HIVEP3: variants seen among roughly 807,000 people sequenced by gnomAD.
HIVEP3 encodes transcription factor HIVEP3.
A neutral mutation model predicts 152.8 loss-of-function variants in HIVEP3; 49 were observed. That is an observed-to-expected ratio of 0.32 (90% CI 0.26 to 0.41). The LOEUF (loss-of-function observed/expected upper bound fraction) is 0.41. Ranked by LOEUF, HIVEP3 falls within the 10% of genes least tolerant of loss-of-function variation. The probability of loss-of-function intolerance (pLI) is 1.00; values close to 1 mark genes in which losing one functional copy is unlikely to be tolerated. For missense variants in HIVEP3, 2,790 were observed against 3,103.3 expected (o/e 0.90, Z 2.40); for synonymous variants, 1,269 against 1,289.0 (o/e 0.98, Z 0.33).
intron 2 of HIVEP3, among the ~76,000 whole-genome samples, chr1:41,643,661 A>G (rs1464146271): frequency 6.6e-6 from 1 of 152,184 alleles, no homozygotes; most frequent in African/African-American, 2.4e-5. Flanking sequence ...CAGCTCCCAG[A>G]ACCCCTGATG....
At chr1:41,544,717 C>CCTCTACCACCA (rs1558045726) in intron 5 of HIVEP3, among the ~76,000 whole-genome samples, 28 of 146,600 alleles carry the variant, frequency 1.9e-4, no homozygotes, top group African/African-American at 7.2e-4. Flanking sequence ...ACCACTACCA[C>CCTCTACCACCA]CTGTACCACC....
At chr1:41,797,596 C>A (rs892935045) in intron 1 of HIVEP3, among the ~76,000 whole-genome samples, 13 of 152,286 alleles carry the variant, frequency 8.5e-5, no homozygotes, top group African/African-American at 3.1e-4. Flanking sequence ...TCCACCACGA[C>A]AGCAAAAGTC....
At chr1:41,977,768 T>C (rs1570862319) in intron 1 of HIVEP3, among the ~76,000 whole-genome samples, 1 of 152,160 alleles carries the variant, frequency 6.6e-6, no homozygotes, top group African/African-American at 2.4e-5. Flanking sequence ...AAAGGCACAA[T>C]AGTGAGACTG....
chr1:41,529,563 C>T (rs1643172935), intron 5 of HIVEP3, among the ~76,000 whole-genome samples: 1 of 143,490 alleles, frequency 7.0e-6, no homozygotes, highest in Admixed American at 6.8e-5. Context: ...CCCCACACCC[C>T]ACCCTCACAC....
intron 2 of HIVEP3, among the ~76,000 whole-genome samples, chr1:41,657,766 G>A (rs1645651257): frequency 1.3e-5 from 2 of 152,342 alleles, no homozygotes; most frequent in South Asian, 4.1e-4. Flanking sequence ...CTAGAAAGCA[G>A]GAGATATAAA....
chr1:41,526,913 CCA>C (rs1412228324), intron 5 of HIVEP3, among the ~76,000 whole-genome samples: 2 of 136,358 alleles, frequency 1.5e-5, no homozygotes, highest in South Asian at 2.5e-4. Context: ...GCTCATATCT[CCA>C]CACACACCCT....
chr1:41,561,422 G>T (rs1238968883), intron 5 of HIVEP3, among the ~76,000 whole-genome samples: 1 of 152,080 alleles, frequency 6.6e-6, no homozygotes, highest in Non-Finnish European at 1.5e-5. Flanking sequence ...GATGGAAAAG[G>T]TAAAATGTTC....
At chr1:41,531,682 A>G in intron 5 of HIVEP3, among the ~76,000 whole-genome samples, 1 of 97,334 alleles carries the variant, frequency 1.0e-5, no homozygotes, top group Non-Finnish European at 2.0e-5. Flanking sequence ...GGAGGACATG[A>G]GAGATAGAGG....
chr1:42,033,323 CT>C (rs796173254), intron 1 of HIVEP3, among the ~76,000 whole-genome samples: 3 of 151,386 alleles, frequency 2.0e-5, no homozygotes, highest in African/African-American at 4.9e-5. Context: ...TTTTAATTGT[CT>C]TTTTTTTTAA....
At chr1:41,921,966 A>T (rs1644944377), upstream of HIVEP3, among the ~76,000 whole-genome samples, 1 of 152,188 alleles carries the variant, frequency 6.6e-6, no homozygotes, top group African/African-American at 2.4e-5. Flanking sequence ...GAGATTTAAA[A>T]AATCAGATAA....
chr1:41,792,040 G>T (rs1051851131), intron 1 of HIVEP3, among the ~76,000 whole-genome samples: 1 of 152,138 alleles, frequency 6.6e-6, no homozygotes, highest in Non-Finnish European at 1.5e-5. Flanking sequence ...AGGCAGAAGT[G>T]ACCATTCCTC....
intron 1 of HIVEP3, among the ~76,000 whole-genome samples, chr1:41,889,810 A>G (rs1240977183): frequency 6.6e-6 from 1 of 152,202 alleles, no homozygotes; most frequent in African/African-American, 2.4e-5. Context: ...GGCTCTGGAT[A>G]GGGTTTGCAG....
chr1:41,979,202 G>T (rs1405502904), intron 1 of HIVEP3, among the ~76,000 whole-genome samples: 1 of 152,150 alleles, frequency 6.6e-6, no homozygotes, highest in Admixed American at 6.5e-5. Flanking sequence ...GCAGATGAAA[G>T]TTTGAGAACC....
chr1:41,878,992 G>C (rs894681095), intron 1 of HIVEP3, among the ~76,000 whole-genome samples: 1 of 151,136 alleles, frequency 6.6e-6, no homozygotes, highest in Non-Finnish European at 1.5e-5. Context: ...ATCAGCACTT[G>C]CCCCATTTTT....
chr1:41,937,159 T>G (rs921074334), intron 1 of HIVEP3, among the ~76,000 whole-genome samples: 22 of 152,194 alleles, frequency 1.4e-4, no homozygotes, highest in African/African-American at 4.3e-4. Context: ...TGGGGAGAAC[T>G]GATCCCCCAA....
At chr1:41,938,286 C>T (rs1287727073) in intron 1 of HIVEP3, among the ~76,000 whole-genome samples, 1 of 152,174 alleles carries the variant, frequency 6.6e-6, no homozygotes, top group Non-Finnish European at 1.5e-5. Context: ...TAACATCTAC[C>T]TTCTCCTTCC....
intron 1 of HIVEP3, among the ~76,000 whole-genome samples, chr1:41,774,483 C>T (rs1224332333): frequency 6.6e-6 from 1 of 152,136 alleles, no homozygotes; most frequent in African/African-American, 2.4e-5. Context: ...ACATAATGGG[C>T]AAGTACTTAG....
At chr1:41,600,391 C>T (rs1001016185) in intron 3 of HIVEP3, among the ~76,000 whole-genome samples, 6 of 152,096 alleles carry the variant, frequency 3.9e-5, no homozygotes, top group South Asian at 2.1e-4. Flanking sequence ...TTCTTTAAGA[C>T]GGAATAATAT....
chr1:41,877,117 C>T (rs1478223015), intron 1 of HIVEP3, among the ~76,000 whole-genome samples: 1 of 152,160 alleles, frequency 6.6e-6, no homozygotes, highest in East Asian at 1.9e-4. Flanking sequence ...ATATTAAACT[C>T]ATCCAGGAGA....
Sources: allele counts gnomAD v4.1 joint callset (sites outside exome capture counted in the v4.1 genomes callset), GRCh38; gene constraint gnomAD v4.1.1; transcripts MANE v1.5; gene names NCBI Gene and HGNC (gene_info 2026-07-23, HGNC 2026-07-21).